The following ATP6V0A4 variants were observed in gnomAD, a reference collection of about 807,000 sequenced individuals.
ATP6V0A4 encodes V-type proton ATPase 116 kDa subunit a 4.
Under a neutral mutation model 107.3 loss-of-function variants are expected in ATP6V0A4, and 86 were observed. The ratio of observed to expected loss-of-function variants is 0.80; its 90% CI spans 0.67 to 0.96. The LOEUF (loss-of-function observed/expected upper bound fraction) is 0.96, where lower values mean the gene tolerates loss of function less well. ATP6V0A4 is among the 40% of genes least tolerant of loss of function. The pLI is 0.00. For missense variants in ATP6V0A4, 908 were observed against 1,045.6 expected, an observed-to-expected ratio of 0.87 and a Z score of 1.81; for synonymous variants, 353 against 381.4, an observed-to-expected ratio of 0.93 and a Z score of 0.87.
chr7:138,762,214 G>T, intron 7 of ATP6V0A4, 126 bp downstream of exon 7: 3 of 1,249,554 alleles, frequency 2.4e-6, no homozygotes, highest in East Asian at 2.4e-5. Flanking sequence ...CTATCGCTTG[G>T]CAGAGGCTTT....
rs546719830 is a variant in ATP6V0A4 at position 138,766,574 on chromosome 7, G to T, written c.291+2206C>A. The stretch of plus-strand genomic sequence containing the variant: ...CTTACCAAAGAGATAAAAGATAAAC[G>T]ATATAGCCCAAAACAATAAATTTCC... On this transcript the variant is annotated intron_variant, in intron 5 of 21. Transcript: ENST00000310018. 5.3e-5 allele frequency among the ~76,000 whole-genome samples: 8 copies of T among 151,736 alleles called. No homozygotes were observed. The South Asian group carries it at 8.4e-4, about 16-fold the overall frequency.
rs3807153 is a variant in ATP6V0A4 at position 138,733,046 on chromosome 7, A to G, written c.1739T>C (p.Met580Thr). ...TCCAAACAGACACAGGATAAAAATC[A>G]TCTCAGGGATAAATTGCAGAATGAT... ...LNIILQFIPE[M>T]IFILCLFGYL... is the part of the protein sequence containing the mutation. Residue 580 changes from methionine to threonine, a missense_variant, in exon 17 of 22, where the codon ATG (methionine) becomes ACG (threonine). Physicochemically the swap from Met to Thr is moderately conservative, Grantham distance 81. Transcript: ENST00000310018. 0.059 allele frequency: 95,565 copies of G among 1,613,950 alleles called. 3,999 individuals carry two copies. Among genetic ancestry groups the G allele is most frequent in the African/African-American group, 0.19 (14,483 of 74,932 alleles).
intron 2 of ATP6V0A4, among the ~76,000 whole-genome samples, chr7:138,775,092 G>A (rs1807598594): frequency 6.6e-6 from 1 of 152,056 alleles, no homozygotes. Flanking sequence ...CCCCCACAGG[G>A]ACTCTCCCCA....
At chr7:138,732,506 G>A (rs1167684728) in intron 17 of ATP6V0A4, among the ~76,000 whole-genome samples, 2 of 152,076 alleles carry the variant, frequency 1.3e-5, no homozygotes, top group African/African-American at 2.4e-5. Flanking sequence ...TCAAGAGTAG[G>A]AGAGAGGCCA....
intron 18 of ATP6V0A4, among the ~76,000 whole-genome samples, chr7:138,724,324 C>T (rs1804600583): frequency 6.6e-6 from 1 of 152,180 alleles, no homozygotes; most frequent in African/African-American, 2.4e-5. Flanking sequence ...GGCCCTGGAC[C>T]AGGGAGCCCT....
chr7:138,720,172 TG>T (rs1463856205), intron 19 of ATP6V0A4, among the ~76,000 whole-genome samples: 7 of 152,178 alleles, frequency 4.6e-5, no homozygotes, highest in African/African-American at 1.7e-4. Context: ...AACTTGCGGC[TG>T]GGATCAGTCT....
chr7:138,707,161 A>ATATATTATATATAT (rs1803426370), intron 21 of ATP6V0A4, among the ~76,000 whole-genome samples: 1 of 74,082 alleles, frequency 1.3e-5, no homozygotes, highest in Non-Finnish European at 2.4e-5. Flanking sequence ...TTAATATATA[A>ATATATTATATATAT]TATATTATAT....
At chr7:138,770,424 C>A (rs1324333756) in intron 3 of ATP6V0A4, among the ~76,000 whole-genome samples, 1 of 152,128 alleles carries the variant, frequency 6.6e-6, no homozygotes, top group East Asian at 1.9e-4. Flanking sequence ...GTATCACAGT[C>A]ATCAACAAAA....
chr7:138,757,036 G>T (rs1806546719), intron 8 of ATP6V0A4, among the ~76,000 whole-genome samples: 2 of 152,266 alleles, frequency 1.3e-5, no homozygotes, highest in South Asian at 2.1e-4. Context: ...ACTCACAGTT[G>T]CTTGTGTGCC....
intron 7 of ATP6V0A4, 71 bp downstream of exon 7, chr7:138,762,269 C>T: frequency 1.3e-6 from 2 of 1,553,376 alleles, no homozygotes; most frequent in Non-Finnish European, 1.8e-6. Flanking sequence ...ATTTGTTCAC[C>T]CGTTCATTCA....
Position 138,770,964 on chromosome 7 carries a change from CA to C in ATP6V0A4, c.117+166del, listed in dbSNP as rs35403428. ...CACGCTCTTGAATGACCTGCCTGGT[CA>C]TGACAAATCCTAGCCAGAAGCACTA... On this transcript the variant is annotated intron_variant, in intron 3 of 21. Transcript: ENST00000310018. 0.7 allele frequency among the ~76,000 whole-genome samples: 106,336 copies of C among 151,976 alleles called. 37,559 individuals are homozygous for C. The highest frequency in any genetic ancestry group is 0.77 in the Middle Eastern group (227 of 294).
At chr7:138,730,170 C>T (rs899560630) in intron 17 of ATP6V0A4, among the ~76,000 whole-genome samples, 5 of 152,174 alleles carry the variant, frequency 3.3e-5, no homozygotes, top group East Asian at 1.9e-4. Context: ...AGGCATGAGC[C>T]GCCGCGCCTG....
intron 19 of ATP6V0A4, among the ~76,000 whole-genome samples, chr7:138,719,163 G>A (rs904651366): frequency 1.3e-5 from 2 of 152,138 alleles, no homozygotes; most frequent in African/African-American, 4.8e-5. Flanking sequence ...GCCAGCCTCA[G>A]CAATAGAACA....
At position 138,725,857 on chromosome 7, in the gene ATP6V0A4, CTGG is replaced by C. The variant is rs1439746622; in HGVS notation, c.2010+2901_2010+2903del. 3.3e-5 allele frequency among the ~76,000 whole-genome samples: 5 copies of C among 151,974 alleles called. No individual in the cohort carries two copies. The East Asian group carries it at 9.7e-4, about 29-fold the overall frequency. ...GATGACCCATTTCTCGATTTAAGTG[CTGG>C]TGACACGAACGTGTTCATGCTGCGA... On this transcript the variant is annotated intron_variant, in intron 18 of 21. Coordinates refer to ENST00000310018, the MANE Select transcript of ATP6V0A4 (RefSeq NM_020632.3).
At position 138,707,232 on chromosome 7, in the gene ATP6V0A4, T is replaced by G. The variant is rs1350449409; in HGVS notation, c.2430-515A>C. Among the ~76,000 whole-genome samples, 7 of 81,152 alleles carry G rather than the reference T, an allele frequency of 8.6e-5. No homozygotes were observed. In the South Asian group the frequency reaches 1.1e-3, roughly 13 times the overall value. 53.2% of individuals were successfully genotyped at this position (81,152 alleles called of 152,430 possible). A position where few individuals can be genotyped will look rare whatever the true frequency, so the allele number is the denominator to read the frequency against. On this transcript the variant is annotated intron_variant, in intron 21 of 21. Transcript: ENST00000310018. ...ATTATATTATATAGAATATATTATA[T>G]AATATATATTATATTATATAGAATA...
chr7:138,756,577 G>T (rs1806527165), intron 8 of ATP6V0A4, 37 bp from the exon 9 acceptor site: 3 of 1,596,982 alleles, frequency 1.9e-6, no homozygotes, highest in East Asian at 2.2e-5. Context: ...AAAGGGGGGG[G>T]TTTCTTTCTG....
intron 12 of ATP6V0A4, among the ~76,000 whole-genome samples, chr7:138,748,897 G>C (rs566970419): frequency 5.6e-4 from 85 of 152,308 alleles, no homozygotes; most frequent in Non-Finnish European, 9.0e-4. Flanking sequence ...TGAGGTTGCA[G>C]TTTAAGGGTG....
intron 21 of ATP6V0A4, 94 bp from the exon 22 acceptor site, chr7:138,706,811 T>A: frequency 6.4e-7 from 1 of 1,568,034 alleles, no homozygotes; most frequent in Non-Finnish European, 8.6e-7. Context: ...AGCAGAGCGT[T>A]CGTAAAATCA....
At chr7:138,784,289 T>TATAC (rs1554402651) in intron 2 of ATP6V0A4, among the ~76,000 whole-genome samples, 1 of 43,802 alleles carries the variant, frequency 2.3e-5, no homozygotes, top group African/African-American at 6.6e-5. Flanking sequence ...TACATATATA[T>TATAC]ACACACACAC....
Sources: gnomAD v4.1 joint callset for allele counts (sites outside exome capture counted in the v4.1 genomes callset) on GRCh38, gnomAD v4.1.1 for gene constraint, MANE v1.5 for transcripts, NCBI Gene and HGNC (gene_info 2026-07-23, HGNC 2026-07-21) for gene names.